Variants in DOT1L observed in about 807,000 individuals in gnomAD.
DOT1L encodes DOT1 like histone lysine methyltransferase, also known as histone-lysine N-methyltransferase, H3 lysine-79 specific.
In DOT1L, 33 loss-of-function variants were observed where a neutral mutation model predicts 153.3. The observed-to-expected ratio is 0.22, with a 90% CI of 0.16 to 0.29. The LOEUF (loss-of-function observed/expected upper bound fraction) is 0.29, where lower values mean the gene tolerates loss of function less well. Among genes scored for constraint, DOT1L ranks in the 10% least tolerant of loss-of-function variants. The probability of loss-of-function intolerance (pLI) is 1.00; values close to 1 mark genes in which losing one functional copy is unlikely to be tolerated. For synonymous variants in DOT1L, 1,135 were observed against 965.1 expected (o/e 1.18, Z -3.26); for missense variants, 1,847 against 2,119.9 (o/e 0.87, Z 2.53).
chr19:2,189,060 G>A (rs1156892699), intron 3 of DOT1L, among the ~76,000 whole-genome samples: 1 of 152,178 alleles, frequency 6.6e-6, no homozygotes, highest in Non-Finnish European at 1.5e-5. Flanking sequence ...GTTGCTGCGG[G>A]GGGACTGAGT....
chr19:2,164,389 C>T, intron 1 of DOT1L, 124 bp downstream of exon 1: 10 of 577,812 alleles, frequency 1.7e-5, no homozygotes, highest in Non-Finnish European at 2.5e-5. Context: ...CCCTGGACTC[C>T]ACTGTCGCTG....
At chr19:2,225,096 G>A (rs1195298761) in intron 25 of DOT1L, among the ~76,000 whole-genome samples, 1 of 152,220 alleles carries the variant, frequency 6.6e-6, no homozygotes, top group Non-Finnish European at 1.5e-5. Flanking sequence ...TCTGTGTGCT[G>A]GGAAATTGCT....
intron 12 of DOT1L, 76 bp from the exon 13 acceptor site, chr19:2,210,324 C>A: frequency 1.5e-6 from 2 of 1,312,060 alleles, no homozygotes; most frequent in Non-Finnish European, 2.0e-6. Context: ...TGAGTCTGAG[C>A]TCCGCGTGCC....
Position 2,222,384 on chromosome 19 carries a change from G to A in DOT1L, c.3215G>A (p.Arg1072His), listed in dbSNP as rs777184095. Residue 1072 changes from arginine to histidine, a missense_variant, in exon 24 of 28, where the codon CGT becomes CAT. Arg to His is a conservative substitution (Grantham distance 29, BLOSUM62 0). Around this residue, in one of 8 missense-constraint regions of DOT1L, gnomAD observed 934 missense variants for 825.3 expected, o/e 1.13. Transcript: ENST00000398665. The surrounding 1 kb of genome is among the most constrained non-coding windows in gnomAD (Gnocchi z 6.5). ...CACAGCCCCCTGACCGCCAGCGCCC[G>A]TGGGGACTGTGTGCCGAGCCACGGG... ...SKHSPLTASA[R>H]GDCVPSHGQD... 7.8e-5 allele frequency: 126 copies of A among 1,611,036 alleles called. No homozygotes were observed. The highest frequency in any genetic ancestry group is 9.9e-5 in the Non-Finnish European group (117 of 1,179,202).
intron 1 of DOT1L, among the ~76,000 whole-genome samples, chr19:2,166,689 G>A (rs1178964502): frequency 2.0e-5 from 3 of 152,228 alleles, no homozygotes; most frequent in Non-Finnish European, 4.4e-5. Flanking sequence ...GGGATTACAG[G>A]GGTGAGCCAC....
At chr19:2,200,290 C>T (rs1204629416) in intron 8 of DOT1L, among the ~76,000 whole-genome samples, 1 of 151,622 alleles carries the variant, frequency 6.6e-6, no homozygotes, top group African/African-American at 2.4e-5. Context: ...CTCCATCCAT[C>T]CCTTCTGGAG....
At chr19:2,202,375 C>G (rs2144792244) in intron 8 of DOT1L, among the ~76,000 whole-genome samples, 2 of 152,388 alleles carry the variant, frequency 1.3e-5, no homozygotes, top group East Asian at 3.9e-4. Context: ...TTCCCTTGGC[C>G]TGTGGGTACT....
intron 7 of DOT1L, among the ~76,000 whole-genome samples, chr19:2,198,491 C>T (rs1000255502): frequency 1.3e-5 from 2 of 152,134 alleles, no homozygotes; most frequent in Non-Finnish European, 2.9e-5. Context: ...CCTCCGGGCC[C>T]GGGGGGGTGT....
rs370316198 is a variant in DOT1L at position 2,201,210 on chromosome 19, C to T, written c.707+1271C>T. ...TCCTCCCCTCATTCCTCGTCCTCCCCGCATTCCTCGTCCTCCCTGCATTCC... is the reference window on the plus strand; with the variant it reads ...TCCTCCCCTCATTCCTCGTCCTCCCTGCATTCCTCGTCCTCCCTGCATTCC... On this transcript the variant is annotated intron_variant, in intron 8 of 27. Transcript: ENST00000398665. Among the ~76,000 whole-genome samples, 1,151 of 143,668 alleles carry T rather than the reference C, an allele frequency of 8.0e-3. 7 individuals are homozygous for T. The highest frequency in any genetic ancestry group is 0.013 in the Non-Finnish European group (854 of 65,152). 94.3% of individuals were successfully genotyped at this position (143,668 alleles called of 152,430 possible).
chr19:2,177,194 C>G (rs12982744), intron 1 of DOT1L, among the ~76,000 whole-genome samples: 42,646 of 152,162 alleles, frequency 0.28, 7,396 homozygotes, highest in Non-Finnish European at 0.4. Context: ...TGTGGGCACC[C>G]GACATGTGGC....
At position 2,226,556 on chromosome 19, in the gene DOT1L, C is replaced by T. The variant is rs754629815; in HGVS notation, c.4035C>T (p.Ala1345=). ...TTCCCCACAAGGGCCCCGAGGCGGC[C>T]GGCCTGAGCTCCCCGCTGAGCTTCC... ...ASLPHKGPEA[A]GLSSPLSFPS... is the part of the protein sequence containing the mutation. Residue 1345 remains alanine, a synonymous_variant, in exon 27 of 28, where the codon GCC becomes GCT. Coordinates refer to ENST00000398665, the MANE Select transcript of DOT1L (RefSeq NM_032482.3). 2 of 1,600,420 alleles carry T rather than the reference C, an allele frequency of 1.2e-6. No homozygotes were observed. Among genetic ancestry groups the T allele is most frequent in the South Asian group, 2.2e-5 (2 of 90,710 alleles).
In DOT1L at chr19:2,222,187, C is replaced by G; in HGVS notation, c.3018C>G (p.Leu1006=). Residue 1006 remains leucine (L), a synonymous_variant, in exon 24 of 28, where the codon CTC becomes CTG. Coordinates refer to ENST00000398665, the MANE Select transcript of DOT1L (RefSeq NM_032482.3). The surrounding 1 kb of genome is among the most constrained non-coding windows in gnomAD (Gnocchi z 6.5). ...TTCCTGCCTCTCCCGCCCACCAGCT[C>G]TCCTCCAGTCCCCGGCTTGGTGGGG... The part of the protein sequence containing the change: ...NSLPASPAHQ[L]SSSPRLGGAA... The G allele has an allele frequency of 1.9e-6, 3 of 1,613,146 alleles. No homozygotes were observed. Among genetic ancestry groups the G allele is most frequent in the African/African-American group, 1.3e-5 (1 of 75,066 alleles).
At chr19:2,180,681 C>G in intron 1 of DOT1L, 32 bp from the exon 2 acceptor site, 1 of 1,613,426 alleles carries the variant, frequency 6.2e-7, no homozygotes, top group Non-Finnish European at 8.5e-7. Flanking sequence ...TGGAGGATGG[C>G]TCTGCGTCTC....
At position 2,204,901 on chromosome 19, in the gene DOT1L, G is replaced by C. The variant is rs2023433919; in HGVS notation, c.788-1828G>C. 6.6e-6 allele frequency among the ~76,000 whole-genome samples: 1 copy of C among 152,200 alleles called. No individual in the cohort carries two copies. Among genetic ancestry groups the C allele is most frequent in the Non-Finnish European group, 1.5e-5 (1 of 68,032 alleles). ...TGTGTAGAATGCCAGGCCTGGGCTG[G>C]TGTGGCGTCCAGGGGAGGAGAGCTG... On this transcript the variant is annotated intron_variant, in intron 9 of 27. Transcript: ENST00000398665. This position sits in a 1 kb window ranked among gnomAD's most constrained non-coding sequence, Gnocchi z 5.7.
chr19:2,227,392 A>C, intron 27 of DOT1L: 1 of 697,552 alleles, frequency 1.4e-6, no homozygotes, highest in Admixed American at 2.0e-5. Flanking sequence ...CCACCAGAGC[A>C]TTACTTTCTC....
chr19:2,229,239 G>T, intron 27 of DOT1L: 1 of 985,434 alleles, frequency 1.0e-6, no homozygotes, highest in Non-Finnish European at 1.2e-6. Flanking sequence ...GCTGACCCCT[G>T]AGGGCAGTTG....
intron 27 of DOT1L, chr19:2,228,910 G>A: frequency 3.0e-6 from 3 of 985,428 alleles, no homozygotes; most frequent in Non-Finnish European, 3.6e-6. Flanking sequence ...GCCCTCATAG[G>A]GAGCCAGTGA....
Position 2,226,531 on chromosome 19 carries a change from T to G in DOT1L, c.4010T>G (p.Leu1337Arg). The G allele has an allele frequency of 6.2e-7, 1 of 1,600,732 alleles. No individual in the cohort carries two copies. The change falls in exon 27 of 28, where the codon CTT (leucine) becomes CGT (arginine). Residue 1337 changes from leucine (L) to arginine (R), a missense_variant. Leu to Arg is a moderately radical substitution (Grantham distance 102). This residue lies in a region of DOT1L where 934 missense variants were observed against 825.3 expected (regional missense o/e 1.13). Transcript: ENST00000398665. Reference sequence around the variant, plus strand: ...CACAGCTTCAGTGATGGTGCTTCTCTTCCCCACAAGGGCCCCGAGGCGGCC... The same window carrying G: ...CACAGCTTCAGTGATGGTGCTTCTCGTCCCCACAAGGGCCCCGAGGCGGCC... ...SLHSFSDGASLPHKGPEAAGL... is the reference protein window; with the variant it reads ...SLHSFSDGASRPHKGPEAAGL...
intron 6 of DOT1L, among the ~76,000 whole-genome samples, chr19:2,194,294 C>T (rs953174944): frequency 6.6e-6 from 1 of 152,170 alleles, no homozygotes; most frequent in Admixed American, 6.5e-5. Flanking sequence ...CCTCAGCCTC[C>T]CGAGTAGCTG....
Sources: allele counts gnomAD v4.1 joint callset (sites outside exome capture counted in the v4.1 genomes callset), GRCh38; gene constraint gnomAD v4.1.1; regional missense constraint gnomAD v4.1.1; non-coding constraint Gnocchi (gnomAD v3.1); transcripts MANE v1.5; gene names NCBI Gene and HGNC (gene_info 2026-07-23, HGNC 2026-07-21).